ITGA1: variants seen among roughly 807,000 people sequenced by gnomAD.
The protein encoded by ITGA1 is integrin subunit alpha 1, also known as integrin alpha-1.
In ITGA1, 85 loss-of-function variants were observed where a neutral mutation model predicts 145.9. The observed-to-expected ratio is 0.58, with a 90% CI of 0.49 to 0.70. ITGA1 has a LOEUF of 0.70. Among genes scored for constraint, ITGA1 ranks in the 30% least tolerant of loss-of-function variants. ITGA1 has a pLI of 0.00. For missense variants in ITGA1, 1,351 were observed against 1,418.7 expected (o/e 0.95, Z 0.77); for synonymous variants, 520 against 495.3 (o/e 1.05, Z -0.66).
chr5:52,911,306 T>A (rs1750521638), intron 14 of ITGA1, among the ~76,000 whole-genome samples: 1 of 135,416 alleles, frequency 7.4e-6, no homozygotes, highest in Non-Finnish European at 1.5e-5. Flanking sequence ...GTATATATAG[T>A]ATATAGTGTA....
At position 52,905,857 on chromosome 5, in the gene ITGA1, C is replaced by CA. The variant is rs1473050265; in HGVS notation, c.1405dup (p.Arg469LysfsTer30). The stretch of plus-strand genomic sequence containing the variant: ...ATCATACAGGCCAGGTCATTATCTA[C>CA]AGGATGGAAGATGGAAACATCAAAA... On this transcript the variant is annotated frameshift_variant, in exon 12 of 29. Coordinates refer to ENST00000282588, the MANE Select transcript of ITGA1 (RefSeq NM_181501.2). LOFTEE classifies it high-confidence loss of function. 6.2e-7 allele frequency: 1 copy of CA among 1,613,424 alleles called. No homozygotes were observed. Among genetic ancestry groups the CA allele is most frequent in the Non-Finnish European group, 8.5e-7 (1 of 1,179,654 alleles).
intron 11 of ITGA1, among the ~76,000 whole-genome samples, chr5:52,898,950 G>T (rs1750273621): frequency 6.6e-6 from 1 of 152,146 alleles, no homozygotes; most frequent in South Asian, 2.1e-4. Flanking sequence ...ATGAGGAGTT[G>T]TATGTCTGGT....
chr5:52,844,137 T>C (rs1749298789), intron 1 of ITGA1, among the ~76,000 whole-genome samples: 1 of 152,142 alleles, frequency 6.6e-6, no homozygotes, highest in African/African-American at 2.4e-5. Flanking sequence ...TTTTAACTCT[T>C]GCATATATAG....
chr5:52,937,885 A>G (rs1343525757), intron 24 of ITGA1, among the ~76,000 whole-genome samples: 4 of 152,026 alleles, frequency 2.6e-5, no homozygotes, highest in African/African-American at 7.3e-5. Context: ...TTGCGGCAGC[A>G]TAGCTCCTAT....
chr5:52,862,780 G>A (rs918248083), intron 3 of ITGA1, among the ~76,000 whole-genome samples: 5 of 152,098 alleles, frequency 3.3e-5, no homozygotes, highest in Non-Finnish European at 7.4e-5. Flanking sequence ...TTAGAACCCT[G>A]TCAATGTTCT....
At chr5:52,818,540 C>T (rs1251915643) in intron 1 of ITGA1, among the ~76,000 whole-genome samples, 2 of 152,304 alleles carry the variant, frequency 1.3e-5, no homozygotes, top group East Asian at 3.9e-4. Flanking sequence ...GCTTAGCCCT[C>T]AGTGGTTTTG....
chr5:52,930,573 G>A (rs1750879817), intron 21 of ITGA1, among the ~76,000 whole-genome samples: 1 of 152,030 alleles, frequency 6.6e-6, no homozygotes, highest in East Asian at 1.9e-4. Flanking sequence ...AGCTTTGTCA[G>A]AAAATTAATA....
At chr5:52,864,697 G>T in intron 3 of ITGA1, 66 bp from the exon 4 acceptor site, 2 of 936,668 alleles carry the variant, frequency 2.1e-6, no homozygotes, top group South Asian at 2.9e-5. Context: ...ATGTCTTAAT[G>T]AGAGATGCTT....
chr5:52,914,158 C>T (rs1253351166), intron 14 of ITGA1, among the ~76,000 whole-genome samples: 1 of 152,128 alleles, frequency 6.6e-6, no homozygotes, highest in Non-Finnish European at 1.5e-5. Context: ...TAAACAAAAA[C>T]AACAAAAAGA....
chr5:52,812,789 CTTTTTTTTT>C (rs61600951), intron 1 of ITGA1, among the ~76,000 whole-genome samples: 8 of 86,136 alleles, frequency 9.3e-5, no homozygotes, highest in South Asian at 4.7e-4. Flanking sequence ...CTTCTTATCG[CTTTTTTTTT>C]TTTTTTTTTT....
chr5:52,836,046 A>T (rs866776109), intron 1 of ITGA1, among the ~76,000 whole-genome samples: 2 of 152,184 alleles, frequency 1.3e-5, no homozygotes, highest in Admixed American at 6.5e-5. Context: ...ATGCTGACCA[A>T]TCCTAAATTG....
At chr5:52,815,711 C>G (rs1748756088) in intron 1 of ITGA1, among the ~76,000 whole-genome samples, 1 of 152,168 alleles carries the variant, frequency 6.6e-6, no homozygotes, top group East Asian at 1.9e-4. Context: ...TGAATGTCTA[C>G]TTAGCAATCA....
intron 1 of ITGA1, among the ~76,000 whole-genome samples, chr5:52,834,119 T>G (rs1749119043): frequency 6.6e-6 from 1 of 152,172 alleles, no homozygotes; most frequent in African/African-American, 2.4e-5. Context: ...GGTGGCTCTA[T>G]TGTCAGCATA....
intron 1 of ITGA1, chr5:52,800,834 C>T: frequency 6.2e-7 from 1 of 1,609,572 alleles, no homozygotes; most frequent in Non-Finnish European, 8.5e-7. Context: ...GAAGGCCTCG[C>T]CCATATCTGC....
intron 1 of ITGA1, among the ~76,000 whole-genome samples, chr5:52,842,741 A>G (rs1749275469): frequency 6.8e-6 from 1 of 146,228 alleles, no homozygotes; most frequent in African/African-American, 2.6e-5. Flanking sequence ...GCTGGAGTGC[A>G]GTGGCACGAT....
chr5:52,817,293 T>C (rs985481771), intron 1 of ITGA1, among the ~76,000 whole-genome samples: 1 of 152,198 alleles, frequency 6.6e-6, no homozygotes, highest in African/African-American at 2.4e-5. Flanking sequence ...TCCTGGATTC[T>C]ACAACTAAGT....
rs113870011 is a variant in ITGA1, at chr5:52,801,321, C to T, written c.61+12907C>T. The T allele has an allele frequency of 4.6e-5, 56 of 1,212,552 alleles. No homozygotes were observed. In the African/African-American group the frequency reaches 7.0e-4, roughly 15 times the overall value. 75.1% of individuals were successfully genotyped at this position (1,212,552 alleles called of 1,614,324 possible). On this transcript the variant is annotated intron_variant, in intron 1 of 28. Transcript: ENST00000282588. ...CTTCGCTGAAACATATGAAGCCTTACTAGCGCTTTTGGCTTTAAGCCTTTG... is the reference window on the plus strand; with the variant it reads ...CTTCGCTGAAACATATGAAGCCTTATTAGCGCTTTTGGCTTTAAGCCTTTG...
intron 14 of ITGA1, among the ~76,000 whole-genome samples, chr5:52,910,972 A>G (rs10043592): frequency 8.5e-5 from 11 of 129,466 alleles, no homozygotes; most frequent in Middle Eastern, 0.011. Context: ...TATATATACT[A>G]TATATAGTAT....
chr5:52,803,895 CA>C (rs1238554973), intron 1 of ITGA1: 4 of 152,126 alleles, frequency 2.6e-5, no homozygotes, highest in Non-Finnish European at 5.9e-5. Flanking sequence ...AAATCTCTGG[CA>C]GGGGTCCCCA....
Sources: gnomAD v4.1 joint callset for allele counts (sites outside exome capture counted in the v4.1 genomes callset) on GRCh38, gnomAD v4.1.1 for gene constraint, MANE v1.5 for transcripts, NCBI Gene and HGNC (gene_info 2026-07-23, HGNC 2026-07-21) for gene names.